LIN28B: variants seen among roughly 807,000 people sequenced by gnomAD.
LIN28B encodes the protein protein lin-28 homolog B.
Under a neutral mutation model 21.9 loss-of-function variants are expected in LIN28B, and 5 were observed. The observed-to-expected ratio is 0.23, with a 90% CI of 0.12 to 0.48. The LOEUF is 0.48. LIN28B is among the 20% of genes least tolerant of loss of function. The pLI, the probability that LIN28B is intolerant of heterozygous loss-of-function variation, is 0.98. For synonymous variants in LIN28B, 109 were observed against 111.3 expected (o/e 0.98, Z 0.13); for missense variants, 245 against 310.5 (o/e 0.79, Z 1.58).
chr6:105,043,361 A>AG (rs1451378671), intron 3 of LIN28B, among the ~76,000 whole-genome samples: 2 of 137,452 alleles, frequency 1.5e-5, no homozygotes, highest in Admixed American at 1.5e-4. Flanking sequence ...AAAAAAAAAA[A>AG]AAAAAAAAAA....
At chr6:105,043,303 T>A (rs1181990931) in intron 3 of LIN28B, among the ~76,000 whole-genome samples, 2 of 127,126 alleles carry the variant, frequency 1.6e-5, no homozygotes, top group Non-Finnish European at 3.1e-5. Flanking sequence ...ACGCCTGTAG[T>A]CCCAGCTGCT....
intron 2 of LIN28B, among the ~76,000 whole-genome samples, chr6:105,020,379 C>T (rs1046399510): frequency 6.6e-6 from 1 of 151,834 alleles, no homozygotes; most frequent in Non-Finnish European, 1.5e-5. Flanking sequence ...TCTCTGTCAC[C>T]CAGGCTGTTA....
intron 2 of LIN28B, among the ~76,000 whole-genome samples, chr6:104,990,606 C>T (rs1262622006): frequency 6.8e-6 from 1 of 147,284 alleles, no homozygotes; most frequent in African/African-American, 2.5e-5. Flanking sequence ...GGGTGTTTCT[C>T]GCAGAGGGGG....
chr6:105,008,805 A>G (rs1429159151), intron 2 of LIN28B, among the ~76,000 whole-genome samples: 1 of 152,192 alleles, frequency 6.6e-6, no homozygotes, highest in African/African-American at 2.4e-5. Flanking sequence ...TTTGAGTTCA[A>G]AGACTTGACA....
intron 2 of LIN28B, among the ~76,000 whole-genome samples, chr6:104,992,681 AT>A (rs932212634): frequency 1.3e-5 from 2 of 150,872 alleles, no homozygotes; most frequent in East Asian, 2.0e-4. Context: ...AATTAAAAAA[AT>A]TTTTTTTTGT....
chr6:104,975,272 A>G (rs904213522), intron 2 of LIN28B, among the ~76,000 whole-genome samples: 1 of 152,206 alleles, frequency 6.6e-6, no homozygotes, highest in Non-Finnish European at 1.5e-5. Flanking sequence ...AATATCTAAT[A>G]TTTAATAATA....
intron 3 of LIN28B, among the ~76,000 whole-genome samples, chr6:105,054,144 C>G (rs1771976915): frequency 6.6e-6 from 1 of 152,104 alleles, no homozygotes; most frequent in South Asian, 2.1e-4. Context: ...TTTTTAAAAT[C>G]AAACCTGATG....
chr6:105,006,825 T>TA (rs1465586687), intron 2 of LIN28B, among the ~76,000 whole-genome samples: 1 of 152,208 alleles, frequency 6.6e-6, no homozygotes, highest in Non-Finnish European at 1.5e-5. Context: ...AGCTAGCTCT[T>TA]ACAGTTTCTT....
intron 2 of LIN28B, among the ~76,000 whole-genome samples, chr6:104,988,290 G>T (rs1376301881): frequency 1.3e-5 from 2 of 152,098 alleles, no homozygotes; most frequent in Non-Finnish European, 2.9e-5. Flanking sequence ...TTTCTGCATG[G>T]ATGGAGATGA....
intron 2 of LIN28B, among the ~76,000 whole-genome samples, chr6:104,971,383 G>T (rs1371032008): frequency 1.3e-5 from 2 of 151,722 alleles, no homozygotes; most frequent in African/African-American, 2.4e-5. Context: ...ATGATATTTG[G>T]TCATATGATC....
At chr6:104,953,924 G>C (rs1778253157), upstream of LIN28B, among the ~76,000 whole-genome samples, 1 of 152,142 alleles carries the variant, frequency 6.6e-6, no homozygotes, top group Admixed American at 6.5e-5. Flanking sequence ...TGAAAACAAC[G>C]ACGGTGGGCT....
At chr6:104,969,818 G>A (rs1769937443) in intron 2 of LIN28B, among the ~76,000 whole-genome samples, 1 of 152,198 alleles carries the variant, frequency 6.6e-6, no homozygotes. Context: ...CATTTATGCA[G>A]ACATTTAAAG....
intron 2 of LIN28B, among the ~76,000 whole-genome samples, chr6:104,997,406 A>G (rs759653600): frequency 6.6e-6 from 1 of 152,040 alleles, no homozygotes; most frequent in Non-Finnish European, 1.5e-5. Flanking sequence ...TATTTCGTAT[A>G]TATAGATAAG....
chr6:104,944,375 C>T (rs1001117294), intron 2 of LIN28B, among the ~76,000 whole-genome samples: 6 of 152,066 alleles, frequency 3.9e-5, no homozygotes, highest in African/African-American at 7.2e-5. Flanking sequence ...TTTTAGTTGA[C>T]ACTACTGGTA....
chr6:105,078,966 T>A lies in LIN28B; in HGVS notation c.*183T>A. The stretch of plus-strand genomic sequence containing the variant: ...TACATTTGAGCAGGGTGTCATGTTT[T>A]ATGTTAATTCAGAGAATAAGATACT... On this transcript the variant is annotated 3_prime_UTR_variant, in exon 4 of 4. Coordinates refer to ENST00000345080, the MANE Select transcript of LIN28B (RefSeq NM_001004317.4). The A allele has an allele frequency of 1.6e-6, 1 of 630,638 alleles. No homozygotes were observed. The highest frequency in any genetic ancestry group is 2.1e-5 in the South Asian group (1 of 46,772). 39.1% of individuals were successfully genotyped at this position (630,638 alleles called of 1,614,324 possible).
intron 2 of LIN28B, among the ~76,000 whole-genome samples, chr6:104,989,576 G>GTTT (rs34394074): frequency 0.021 from 1,235 of 59,772 alleles, 23 homozygotes; most frequent in East Asian, 0.06. Context: ...TTTTACTTGG[G>GTTT]TTTTTTTTTT....
chr6:105,067,831 A>G (rs143297185), intron 3 of LIN28B, among the ~76,000 whole-genome samples: 5 of 152,180 alleles, frequency 3.3e-5, no homozygotes, highest in African/African-American at 1.2e-4. Flanking sequence ...GTTTATAGCT[A>G]TGCCTGATTG....
At chr6:105,070,473 A>G (rs1772309712) in intron 3 of LIN28B, among the ~76,000 whole-genome samples, 1 of 152,160 alleles carries the variant, frequency 6.6e-6, no homozygotes, top group Non-Finnish European at 1.5e-5. Flanking sequence ...CAGCCAGGCA[A>G]GGTGGCTAAT....
intron 2 of LIN28B, among the ~76,000 whole-genome samples, chr6:104,989,280 T>C (rs1284690904): frequency 2.0e-5 from 3 of 152,142 alleles, no homozygotes; most frequent in Admixed American, 6.5e-5. Flanking sequence ...AGGGCAGTGA[T>C]GCAATCTCGG....
Sources: gnomAD v4.1 joint callset for allele counts (sites outside exome capture counted in the v4.1 genomes callset) on GRCh38, gnomAD v4.1.1 for gene constraint, MANE v1.5 for transcripts, NCBI Gene and HGNC (gene_info 2026-07-23, HGNC 2026-07-21) for gene names.